Variants in ARHGAP19 observed in about 807,000 individuals in gnomAD.
ARHGAP19 encodes the protein Rho GTPase activating protein 19.
A neutral mutation model predicts 60.9 loss-of-function variants in ARHGAP19; 48 were observed. The observed-to-expected ratio is 0.79, with a 90% CI of 0.62 to 1.00. ARHGAP19 has a LOEUF of 1.00. ARHGAP19 is among the 50% of genes least tolerant of loss of function. The probability of loss-of-function intolerance (pLI) is 0.00; values close to 1 mark genes in which losing one functional copy is unlikely to be tolerated. For missense variants in ARHGAP19, 562 were observed against 597.2 expected (o/e 0.94, Z 0.61); for synonymous variants, 209 against 215.5 (o/e 0.97, Z 0.27).
Position 97,280,090 on chromosome 10 carries a change from G to A in ARHGAP19, c.56+12482C>T, listed in dbSNP as rs1032253078. Among the ~76,000 whole-genome samples the A allele has an allele frequency of 2.6e-5, 4 of 152,134 alleles. No individual in the cohort carries two copies. The East Asian group carries it at 7.7e-4, about 29-fold the overall frequency. Reference sequence around the variant, plus strand: ...TTCTCCCTCATGCTAGTGTACAATGGGAAGAAAGTTATTTGTATTAAGAAA... The same window carrying A: ...TTCTCCCTCATGCTAGTGTACAATGAGAAGAAAGTTATTTGTATTAAGAAA... On this transcript the variant is annotated intron_variant, in intron 1 of 11. Coordinates refer to ENST00000358531, the MANE Select transcript of ARHGAP19 (RefSeq NM_032900.6).
chr10:97,238,438 G>C (rs8181326), intron 8 of ARHGAP19, among the ~76,000 whole-genome samples: 1 of 151,948 alleles, frequency 6.6e-6, no homozygotes, highest in Admixed American at 6.6e-5. Context: ...GGGTGGTCTC[G>C]AACTCCTGGC....
In ARHGAP19 at chr10:97,226,134, T is replaced by A; in HGVS notation, c.1475-2A>T. The A allele has an allele frequency of 6.2e-7, 1 of 1,613,870 alleles. No homozygotes were observed. ...AACTCTGGATCCTTCAGAGAAATCC[T>A]AGGTTGAAGGAAAAACAAGAGCGTT... On this transcript the variant is annotated splice_acceptor_variant, in intron 11 of 11. Coordinates refer to ENST00000358531, the MANE Select transcript of ARHGAP19 (RefSeq NM_032900.6). LOFTEE classifies it high-confidence loss of function.
chr10:97,286,002 C>T (rs1564730350), intron 1 of ARHGAP19, among the ~76,000 whole-genome samples: 1 of 152,044 alleles, frequency 6.6e-6, no homozygotes, highest in African/African-American at 2.4e-5. Flanking sequence ...TGTTTTCTTC[C>T]TTCCCCTCCT....
chr10:97,272,846 T>G (rs1026021508), intron 1 of ARHGAP19, among the ~76,000 whole-genome samples: 2 of 150,688 alleles, frequency 1.3e-5, no homozygotes, highest in African/African-American at 2.4e-5. Flanking sequence ...TTTGTTGTTT[T>G]TTTTTTTTTT....
Position 97,222,758 on chromosome 10 carries a change from AGGAG to A in ARHGAP19, c.*3360_*3363del, listed in dbSNP as rs982095193. ...CTTCCGTTTGAAGCCTTCAGGGTAAAGGAGGGCAGAGATAAGGCTCTCTCCTGGG... is the reference window on the plus strand; with the variant it reads ...CTTCCGTTTGAAGCCTTCAGGGTAAAGGCAGAGATAAGGCTCTCTCCTGGG... On this transcript the variant is annotated 3_prime_UTR_variant, in exon 12 of 12. Coordinates refer to ENST00000358531, the MANE Select transcript of ARHGAP19 (RefSeq NM_032900.6). 3.3e-4 allele frequency: 50 copies of A among 152,256 alleles called. No individual in the cohort carries two copies. The highest frequency in any genetic ancestry group is 1.2e-3 in the African/African-American group (48 of 41,542). The allele number at this position is 152,256 out of a possible 1,614,324, so 9.4% of individuals were successfully genotyped here. A position where few individuals can be genotyped will look rare whatever the true frequency, so the allele number is the denominator to read the frequency against.
rs1257326768 is a variant in ARHGAP19 at position 97,262,568 on chromosome 10, G to A, written c.613+852C>T. 2.0e-5 allele frequency among the ~76,000 whole-genome samples: 3 copies of A among 152,268 alleles called. No homozygotes were observed. The East Asian group carries it at 5.8e-4, about 29-fold the overall frequency. On this transcript the variant is annotated intron_variant, in intron 4 of 11. Coordinates refer to ENST00000358531, the MANE Select transcript of ARHGAP19 (RefSeq NM_032900.6). ...TAGTCCCAGCTACTCGGGAGGCTGA[G>A]GCAGGAGAATCACTTGAACCCGGGA...
At chr10:97,252,485 G>A (rs111913269) in intron 6 of ARHGAP19, among the ~76,000 whole-genome samples, 3,199 of 152,010 alleles carry the variant, frequency 0.021, 115 homozygotes, top group African/African-American at 0.07. Context: ...TTAGCCGGGC[G>A]TGGTGGCAGG....
At chr10:97,283,091 C>T (rs2134922655) in intron 1 of ARHGAP19, among the ~76,000 whole-genome samples, 2 of 152,044 alleles carry the variant, frequency 1.3e-5, no homozygotes, top group South Asian at 4.1e-4. Flanking sequence ...AATCCACCCA[C>T]CTCAGCCTCC....
intron 9 of ARHGAP19, among the ~76,000 whole-genome samples, chr10:97,234,712 C>G (rs953631814): frequency 6.6e-6 from 1 of 152,080 alleles, no homozygotes; most frequent in African/African-American, 2.4e-5. Flanking sequence ...GTTTTAAAAA[C>G]AAGATTTTTA....
In ARHGAP19 at chr10:97,223,115, GGT is replaced by G. The variant is rs1850835647; in HGVS notation, c.*3005_*3006del. On this transcript the variant is annotated 3_prime_UTR_variant, in exon 12 of 12. Transcript: ENST00000358531. ...AGAACAGATACCTCCGGAGCACCCA[GGT>G]GTCACTGCAGTCAACAGCCCTCCAC... 2 of 152,216 alleles carry G rather than the reference GGT, an allele frequency of 1.3e-5. No homozygotes were observed. The highest frequency in any genetic ancestry group is 4.1e-4 in the South Asian group (2 of 4,832). The allele number at this position is 152,216 out of a possible 1,614,324, so 9.4% of individuals were successfully genotyped here.
Position 97,272,122 on chromosome 10 carries a change from G to C in ARHGAP19, c.57-5997C>G, listed in dbSNP as rs1455150824. 1.3e-4 allele frequency among the ~76,000 whole-genome samples: 17 copies of C among 132,238 alleles called. No individual in the cohort carries two copies. The Admixed American group carries it at 1.4e-3, about 11-fold the overall frequency. 86.8% of individuals were successfully genotyped at this position (132,238 alleles called of 152,430 possible). A position where few individuals can be genotyped will look rare whatever the true frequency, so the allele number is the denominator to read the frequency against. On this transcript the variant is annotated intron_variant, in intron 1 of 11. Transcript: ENST00000358531. Reference sequence around the variant, plus strand: ...GTTCTAGCCTTATACACTTAGGTGGGAAATATGTCTTTTTTTTTTTTTTTT... The same window carrying C: ...GTTCTAGCCTTATACACTTAGGTGGCAAATATGTCTTTTTTTTTTTTTTTT...
rs1403762407 is a variant in ARHGAP19 at position 97,224,087 on chromosome 10, T to TACTTC, written c.*2030_*2034dup. 1 of 152,228 alleles carries TACTTC rather than the reference T, an allele frequency of 6.6e-6. No individual in the cohort carries two copies. Among genetic ancestry groups the TACTTC allele is most frequent in the Non-Finnish European group, 1.5e-5 (1 of 68,046 alleles). The allele number at this position is 152,228 out of a possible 1,614,324, so 9.4% of individuals were successfully genotyped here. Reference sequence around the variant, plus strand: ...CATCTACATCCGTCTAAATCTCAGCTACTTCCCTTAAATAGAATCAAAAAC... The same window carrying TACTTC: ...CATCTACATCCGTCTAAATCTCAGCTACTTCACTTCCCTTAAATAGAATCAAAAAC... On this transcript the variant is annotated 3_prime_UTR_variant, in exon 12 of 12. Coordinates refer to ENST00000358531, the MANE Select transcript of ARHGAP19 (RefSeq NM_032900.6).
chr10:97,229,240 T>G lies in ARHGAP19; in HGVS notation c.1396-15A>C. The G allele has an allele frequency of 6.2e-7, 1 of 1,603,604 alleles. No individual in the cohort carries two copies. The highest frequency in any genetic ancestry group is 8.5e-7 in the Non-Finnish European group (1 of 1,170,342). ...CCAGAAAATAACTGTAATAAGAAAA[T>G]TGTACAGTGGTTTCAATGTTCTAAT... On this transcript the variant is annotated splice_polypyrimidine_tract_variant and intron_variant, in intron 10 of 11. Transcript: ENST00000358531.
chr10:97,272,847 T>G (rs1035879726), intron 1 of ARHGAP19, among the ~76,000 whole-genome samples: 6 of 150,974 alleles, frequency 4.0e-5, no homozygotes, highest in African/African-American at 7.3e-5. Flanking sequence ...TTGTTGTTTT[T>G]TTTTTTTTTT....
intron 7 of ARHGAP19, among the ~76,000 whole-genome samples, chr10:97,245,652 T>G (rs763352899): frequency 1.5e-4 from 23 of 151,436 alleles, no homozygotes; most frequent in Admixed American, 5.3e-4. Flanking sequence ...TGAATAAGCA[T>G]TATACATTTC....
intron 4 of ARHGAP19, among the ~76,000 whole-genome samples, chr10:97,262,812 CATTT>C (rs1203527925): frequency 6.6e-6 from 1 of 151,992 alleles, no homozygotes; most frequent in Non-Finnish European, 1.5e-5. Flanking sequence ...GAAAAGCATA[CATTT>C]ATTAAGCAAC....
intron 5 of ARHGAP19, among the ~76,000 whole-genome samples, chr10:97,258,946 T>A (rs367890437): frequency 3.3e-5 from 5 of 152,166 alleles, no homozygotes; most frequent in African/African-American, 1.2e-4. Flanking sequence ...AATACAAAAG[T>A]CAGGACAAGG....
At chr10:97,280,021 A>G (rs1314514623) in intron 1 of ARHGAP19, among the ~76,000 whole-genome samples, 3 of 152,206 alleles carry the variant, frequency 2.0e-5, no homozygotes, top group Non-Finnish European at 4.4e-5. Context: ...TCTGGGTGTC[A>G]TATGAATAAG....
intron 1 of ARHGAP19, among the ~76,000 whole-genome samples, chr10:97,291,315 ATATTT>A (rs1248378892): frequency 2.6e-5 from 4 of 152,100 alleles, no homozygotes; most frequent in Admixed American, 6.6e-5. Flanking sequence ...CTTCCATATC[ATATTT>A]TATTTTATTT....
Sources: gnomAD v4.1 joint callset for allele counts (sites outside exome capture counted in the v4.1 genomes callset) on GRCh38, gnomAD v4.1.1 for gene constraint, MANE v1.5 for transcripts, NCBI Gene and HGNC (gene_info 2026-07-23, HGNC 2026-07-21) for gene names.